SLC24A3: variants seen among roughly 807,000 people sequenced by gnomAD.
The protein encoded by SLC24A3 is sodium/potassium/calcium exchanger 3.
A neutral mutation model predicts 75.8 loss-of-function variants in SLC24A3; 28 were observed. That is an observed-to-expected ratio of 0.37 (90% CI 0.27 to 0.51). The LOEUF (loss-of-function observed/expected upper bound fraction) is 0.51. SLC24A3 is among the 20% of genes least tolerant of loss of function. The pLI, the probability that SLC24A3 is intolerant of heterozygous loss-of-function variation, is 0.94. For synonymous variants in SLC24A3, 372 were observed against 334.1 expected, an observed-to-expected ratio of 1.11 and a Z score of -1.24; for missense variants, 663 against 847.8, an observed-to-expected ratio of 0.78 and a Z score of 2.71.
intron 2 of SLC24A3, among the ~76,000 whole-genome samples, chr20:19,341,698 A>G (rs993375837): frequency 3.3e-5 from 5 of 152,178 alleles, no homozygotes; most frequent in African/African-American, 1.2e-4. Flanking sequence ...AAGTCCCCCA[A>G]ATAGCAGCAG....
At chr20:19,625,382 T>G (rs1391842842) in intron 6 of SLC24A3, among the ~76,000 whole-genome samples, 3 of 152,218 alleles carry the variant, frequency 2.0e-5, no homozygotes, top group African/African-American at 7.2e-5. Context: ...CAGATAGAGT[T>G]TGGAAGATGT....
intron 2 of SLC24A3, among the ~76,000 whole-genome samples, chr20:19,388,669 G>A (rs1600459833): frequency 6.6e-6 from 1 of 152,196 alleles, no homozygotes; most frequent in Admixed American, 6.5e-5. Flanking sequence ...CCGAGATTGG[G>A]CCACTGTAAA....
At chr20:19,551,752 A>G (rs1427015190) in intron 3 of SLC24A3, among the ~76,000 whole-genome samples, 1 of 152,100 alleles carries the variant, frequency 6.6e-6, no homozygotes, top group Non-Finnish European at 1.5e-5. Context: ...CCCATAGGAC[A>G]TGCTCTCAGC....
chr20:19,681,585 AAG>A (rs1352429609), intron 9 of SLC24A3, among the ~76,000 whole-genome samples: 10 of 152,224 alleles, frequency 6.6e-5, no homozygotes, highest in Non-Finnish European at 1.2e-4. Flanking sequence ...ACTGGCATGA[AAG>A]AGGTGGCAAA....
intron 6 of SLC24A3, among the ~76,000 whole-genome samples, chr20:19,610,134 C>A (rs977858374): frequency 4.6e-4 from 70 of 152,228 alleles, no homozygotes; most frequent in African/African-American, 1.7e-3. Context: ...TTTCCTGTTT[C>A]TTTTGTCTTC....
At chr20:19,234,459 A>G (rs552225175) in intron 1 of SLC24A3, among the ~76,000 whole-genome samples, 3 of 152,252 alleles carry the variant, frequency 2.0e-5, no homozygotes, top group Admixed American at 6.5e-5. Flanking sequence ...ACTGCACTTC[A>G]GATGAAATGC....
chr20:19,658,716 T>C (rs1297057486), intron 7 of SLC24A3, among the ~76,000 whole-genome samples: 1 of 152,124 alleles, frequency 6.6e-6, no homozygotes, highest in Non-Finnish European at 1.5e-5. Flanking sequence ...CCCCAATGCC[T>C]TCAGTCTCTT....
chr20:19,292,236 T>C (rs536747886), intron 2 of SLC24A3, among the ~76,000 whole-genome samples: 57 of 152,336 alleles, frequency 3.7e-4, no homozygotes, highest in African/African-American at 1.1e-3. Flanking sequence ...ATGCCCATTT[T>C]CCAAGCACCC....
At chr20:19,417,461 G>A (rs1004131622) in intron 2 of SLC24A3, among the ~76,000 whole-genome samples, 5 of 152,192 alleles carry the variant, frequency 3.3e-5, no homozygotes, top group Non-Finnish European at 5.9e-5. Flanking sequence ...GGATGGAAGC[G>A]TGATACCTCA....
intron 2 of SLC24A3, among the ~76,000 whole-genome samples, chr20:19,449,729 G>A (rs899594105): frequency 3.9e-5 from 6 of 152,196 alleles, no homozygotes; most frequent in Non-Finnish European, 8.8e-5. Context: ...AGCTTTAGGG[G>A]AAGAGGAGGA....
At chr20:19,450,694 T>C (rs140619851) in intron 2 of SLC24A3, among the ~76,000 whole-genome samples, 3,123 of 152,250 alleles carry the variant, frequency 0.021, 53 homozygotes, top group Non-Finnish European at 0.032. Flanking sequence ...GATGATACCT[T>C]GATTCAAATT....
chr20:19,595,866 A>T (rs1244685496), intron 6 of SLC24A3, among the ~76,000 whole-genome samples: 1 of 152,136 alleles, frequency 6.6e-6, no homozygotes, highest in Non-Finnish European at 1.5e-5. Flanking sequence ...TCTCAAAGAA[A>T]CCCCAAATCA....
At chr20:19,290,186 C>T (rs6045957) in intron 2 of SLC24A3, among the ~76,000 whole-genome samples, 6,119 of 152,220 alleles carry the variant, frequency 0.04, 410 homozygotes, top group African/African-American at 0.14. Context: ...GCTTGTGAGG[C>T]ACACTCAAGT....
intron 1 of SLC24A3, among the ~76,000 whole-genome samples, chr20:19,266,995 A>T (rs937452658): frequency 6.6e-6 from 1 of 152,190 alleles, no homozygotes; most frequent in Non-Finnish European, 1.5e-5. Flanking sequence ...TAAAACCTGG[A>T]TCTGCCCCAG....
Position 19,347,579 on chromosome 20 carries a change from T to C in SLC24A3, c.271+66492T>C, listed in dbSNP as rs1357141781. Among the ~76,000 whole-genome samples the C allele has an allele frequency of 2.6e-5, 4 of 152,212 alleles. No homozygotes were observed. In the East Asian group the frequency reaches 5.8e-4, roughly 22 times the overall value. ...TTGACAAATGACAAGAAAAAAATTA[T>C]GTAAATTGGAGTTTTAAAAATTAGT... On this transcript the variant is annotated intron_variant, in intron 2 of 16. Coordinates refer to ENST00000328041, the MANE Select transcript of SLC24A3 (RefSeq NM_020689.4).
chr20:19,279,400 G>A (rs74910173), intron 1 of SLC24A3, among the ~76,000 whole-genome samples: 6,946 of 152,278 alleles, frequency 0.046, 222 homozygotes, highest in Non-Finnish European at 0.07. Context: ...TTGGCTTACT[G>A]TCTGTGTCTC....
At chr20:19,269,636 C>T (rs997505959) in intron 1 of SLC24A3, among the ~76,000 whole-genome samples, 4 of 152,192 alleles carry the variant, frequency 2.6e-5, no homozygotes, top group Admixed American at 6.5e-5. Context: ...ATTGTGAGAC[C>T]CACTGCACAA....
chr20:19,478,013 T>C (rs945011966), intron 2 of SLC24A3, among the ~76,000 whole-genome samples: 9 of 152,192 alleles, frequency 5.9e-5, no homozygotes, highest in African/African-American at 2.2e-4. Context: ...TCGAAAGCCA[T>C]CAGGAATCCC....
intron 2 of SLC24A3, among the ~76,000 whole-genome samples, chr20:19,317,392 G>T (rs1202752682): frequency 2.0e-5 from 3 of 152,200 alleles, no homozygotes; most frequent in Admixed American, 2.0e-4. Flanking sequence ...TCTCATTTCT[G>T]TTTCTCCTCA....
Sources: gnomAD v4.1 joint callset for allele counts (sites outside exome capture counted in the v4.1 genomes callset) on GRCh38, gnomAD v4.1.1 for gene constraint, MANE v1.5 for transcripts, NCBI Gene and HGNC (gene_info 2026-07-23, HGNC 2026-07-21) for gene names.